The following ADGRB2 variants were observed in gnomAD, a reference collection of about 807,000 sequenced individuals.
ADGRB2 encodes adhesion G protein-coupled receptor B2.
Under a neutral mutation model 178.7 loss-of-function variants are expected in ADGRB2, and 47 were observed. That is an observed-to-expected ratio of 0.26 (90% CI 0.21 to 0.34). ADGRB2 has a LOEUF of 0.34. ADGRB2 is among the 10% of genes least tolerant of loss of function. ADGRB2 has a pLI of 1.00. For missense variants in ADGRB2, 1,584 were observed against 2,180.8 expected, an observed-to-expected ratio of 0.73 and a Z score of 5.45; for synonymous variants, 870 against 912.4, an observed-to-expected ratio of 0.95 and a Z score of 0.84.
In ADGRB2 at chr1:31,732,627, C is replaced by T. The variant is rs372731119; in HGVS notation, c.3625-15G>A. On this transcript the variant is annotated splice_polypyrimidine_tract_variant and intron_variant, in intron 26 of 32. Coordinates refer to ENST00000373658, the MANE Select transcript of ADGRB2 (RefSeq NM_001364857.2). ...ACATCCTGGACCTGGGGACAGAGGG[C>T]GCCTGCTGGGCCTGAGGCCACTGCA... The T allele has an allele frequency of 1.3e-5, 21 of 1,612,768 alleles. 1 individual carries two copies. Among genetic ancestry groups the T allele is most frequent in the South Asian group, 7.7e-5 (7 of 90,934 alleles).
rs371735861 is a variant in ADGRB2 at position 31,730,994 on chromosome 1, G to A, written c.4186C>T (p.Pro1396Ser). Reference protein sequence around the residue: ...AKTVAHTEGYPSFLSVDHSGL... With the variant: ...AKTVAHTEGYSSFLSVDHSGL... ...GAGTGGTCCACGGACAGGAAGCTGG[G>A]GTAGCCTTCAGTGTGGGCCACTGTC... The change falls in exon 29 of 33, where the codon CCC becomes TCC. Residue 1396 changes from proline (P) to serine (S), a missense_variant. By Grantham distance (74) the Pro-to-Ser change is moderately conservative (BLOSUM62 -1). This residue lies in a region of ADGRB2 where 865 missense variants were observed against 1,192.8 expected (regional missense o/e 0.73). Coordinates refer to ENST00000373658, the MANE Select transcript of ADGRB2 (RefSeq NM_001364857.2). 1 of 1,568,844 alleles carries A rather than the reference G, an allele frequency of 6.4e-7. No individual in the cohort carries two copies. Among genetic ancestry groups the A allele is most frequent in the African/African-American group, 1.4e-5 (1 of 73,836 alleles).
rs978152109 is a variant in ADGRB2, at chr1:31,740,892, C to T, written c.1795-351G>A. 1.3e-4 allele frequency among the ~76,000 whole-genome samples: 11 copies of T among 85,726 alleles called. No individual in the cohort carries two copies. The highest frequency in any genetic ancestry group is 2.3e-4 in the Non-Finnish European group (9 of 38,426). 56.2% of individuals were successfully genotyped at this position (85,726 alleles called of 152,430 possible). ...TGTAATGAGCATGTGTGTGGGCGCG[C>T]GCGCACACACACACACACACACACA... On this transcript the variant is annotated intron_variant, in intron 11 of 32. Coordinates refer to ENST00000373658, the MANE Select transcript of ADGRB2 (RefSeq NM_001364857.2). The surrounding 1 kb of genome is among the most constrained non-coding windows in gnomAD (Gnocchi z 5.9).
Position 31,756,290 on chromosome 1 carries a change from C to G in ADGRB2, c.547G>C (p.Val183Leu). The stretch of plus-strand genomic sequence containing the variant: ...TTGTTGTTGATGAGCAAGACCTCGA[C>G]AAAGCGGAAGGCTAGGGCAGCGGGC... ...LAPAALAFRF[V>L]EVLLINNNNS... The change falls in exon 4 of 33, where the codon GTC (valine) becomes CTC (leucine). Residue 183 changes from valine (V) to leucine (L), a missense_variant. Physicochemically the swap from Val to Leu is conservative, Grantham distance 32. Around this residue, in one of 3 missense-constraint regions of ADGRB2, gnomAD observed 657 missense variants for 847.6 expected, o/e 0.78. Coordinates refer to ENST00000373658, the MANE Select transcript of ADGRB2 (RefSeq NM_001364857.2). This position sits in a 1 kb window ranked among gnomAD's most constrained non-coding sequence, Gnocchi z 8.5. The G allele has an allele frequency of 6.2e-7, 1 of 1,613,118 alleles. No homozygotes were observed. Among genetic ancestry groups the G allele is most frequent in the Non-Finnish European group, 8.5e-7 (1 of 1,179,972 alleles).
rs907475253 is a variant in ADGRB2, at chr1:31,728,750, A to T, written c.4381-117T>A. The T allele has an allele frequency of 2.4e-6, 3 of 1,243,830 alleles. No homozygotes were observed. Among genetic ancestry groups the T allele is most frequent in the South Asian group, 2.4e-5 (2 of 81,790 alleles). The allele number at this position is 1,243,830 out of a possible 1,614,324, so 77.0% of individuals were successfully genotyped here. ...GTCTGCCCGCTGCACCTTCCCCCCA[A>T]CCCAGGCCCAGAAGTTGCGGACCTT... On this transcript the variant is annotated intron_variant, in intron 29 of 32. Transcript: ENST00000373658. The surrounding 1 kb of genome is among the most constrained non-coding windows in gnomAD (Gnocchi z 6.7).
rs143030726 is a variant in ADGRB2, at chr1:31,739,430, C to A, written c.2373G>T (p.Thr791=). Reference sequence around the variant, plus strand: ...GGGAGTGGCCTGGGCCAGGAGGCACCGTTCCTGGGCCCCTCCCCCTGCCAG... The same window carrying A: ...GGGAGTGGCCTGGGCCAGGAGGCACAGTTCCTGGGCCCCTCCCCCTGCCAG... ...GSPGRGRGPG[T]VPPGPGHSHQ... Residue 791 remains threonine, a synonymous_variant, in exon 15 of 33, where the codon ACG becomes ACT. Transcript: ENST00000373658. 1.9e-6 allele frequency: 3 copies of A among 1,581,356 alleles called. No individual in the cohort carries two copies. In the African/African-American group the frequency reaches 4.0e-5, roughly 21 times the overall value.
Position 31,757,402 on chromosome 1 carries a change from G to C in ADGRB2, c.-81C>G. ...CTCACTTGCTTTACTGAGAGGGAGA[G>C]AAAGGGGCGGAGTTACAGCCAGTGT... On this transcript the variant is annotated 5_prime_UTR_variant, in exon 2 of 33. Transcript: ENST00000373658. 1.2e-6 allele frequency: 1 copy of C among 802,490 alleles called. No individual in the cohort carries two copies. Among genetic ancestry groups the C allele is most frequent in the Non-Finnish European group, 2.0e-6 (1 of 488,930 alleles). The allele number at this position is 802,490 out of a possible 1,614,324, so 49.7% of individuals were successfully genotyped here.
intron 4 of ADGRB2, among the ~76,000 whole-genome samples, chr1:31,751,107 GC>G (rs1646546769): frequency 2.6e-5 from 4 of 152,108 alleles, no homozygotes; most frequent in African/African-American, 7.2e-5. Context: ...CAAAGCCCTG[GC>G]CCCGTCTCCC....
Position 31,756,782 on chromosome 1 carries a change from G to C in ADGRB2, c.55C>G (p.Leu19Val). 1 of 1,508,562 alleles carries C rather than the reference G, an allele frequency of 6.6e-7. No individual in the cohort carries two copies. The highest frequency in any genetic ancestry group is 8.9e-7 in the Non-Finnish European group (1 of 1,125,466). The allele number at this position is 1,508,562 out of a possible 1,614,324, so 93.4% of individuals were successfully genotyped here. A position where few individuals can be genotyped will look rare whatever the true frequency, so the allele number is the denominator to read the frequency against. ...KGHRMTPACP[L>V]LLSVILSLRL... ...AGGGACAGAATCACAGACAGTAAGA[G>C]GGGACAGGCTGGGGTCATCCTATGT... The change falls in exon 4 of 33, where the codon CTC (leucine) becomes GTC (valine). Residue 19 changes from leucine to valine, a missense_variant. Around this residue, in one of 3 missense-constraint regions of ADGRB2, gnomAD observed 657 missense variants for 847.6 expected, o/e 0.78. Transcript: ENST00000373658. The surrounding 1 kb of genome is among the most constrained non-coding windows in gnomAD (Gnocchi z 8.5).
intron 29 of ADGRB2, among the ~76,000 whole-genome samples, chr1:31,729,723 T>C (rs547417905): frequency 2.0e-5 from 3 of 152,316 alleles, no homozygotes; most frequent in South Asian, 4.1e-4. Context: ...GCTGCTGCAT[T>C]TACTACTGCC....
In ADGRB2 at chr1:31,733,703, C is replaced by G. The variant is rs552086375; in HGVS notation, c.3453-560G>C. Among the ~76,000 whole-genome samples, 13 of 152,124 alleles carry G rather than the reference C, an allele frequency of 8.5e-5. No homozygotes were observed. Among genetic ancestry groups the G allele is most frequent in the Non-Finnish European group, 1.8e-4 (12 of 68,024 alleles). On this transcript the variant is annotated intron_variant, in intron 25 of 32. Coordinates refer to ENST00000373658, the MANE Select transcript of ADGRB2 (RefSeq NM_001364857.2). The surrounding 1 kb of genome is among the most constrained non-coding windows in gnomAD (Gnocchi z 4.3). ...AGGACCAGTGAAGCAGAACTCCCCCCACACACAGAGAAGACGCCAGGCTCC... is the reference window on the plus strand; with the variant it reads ...AGGACCAGTGAAGCAGAACTCCCCCGACACACAGAGAAGACGCCAGGCTCC...
intron 29 of ADGRB2, among the ~76,000 whole-genome samples, chr1:31,729,937 G>C (rs1645191357): frequency 6.6e-6 from 1 of 152,260 alleles, no homozygotes; most frequent in African/African-American, 2.4e-5. Flanking sequence ...AACTAAACTT[G>C]TGAGCCCCGT....
intron 27 of ADGRB2, 105 bp downstream of exon 27, chr1:31,732,412 G>A: frequency 7.2e-7 from 1 of 1,386,360 alleles, no homozygotes; most frequent in Non-Finnish European, 1.0e-6. Context: ...CCCAATCCCT[G>A]TCCCAACCCT....
intron 4 of ADGRB2, among the ~76,000 whole-genome samples, chr1:31,747,015 C>T (rs954479813): frequency 6.6e-6 from 1 of 152,224 alleles, no homozygotes; most frequent in Non-Finnish European, 1.5e-5. Flanking sequence ...TAATCCACTG[C>T]AGTCTGGCTT....
In ADGRB2 at chr1:31,756,151, G is replaced by A. The variant is rs751606384; in HGVS notation, c.686C>T (p.Ala229Val). The change falls in exon 4 of 33, where the codon GCG (alanine) becomes GTG (valine). Residue 229 changes from alanine to valine, a missense_variant. Physicochemically the swap from Ala to Val is moderately conservative, Grantham distance 64 (BLOSUM62 0). This residue lies in a region of ADGRB2 where 657 missense variants were observed against 847.6 expected (regional missense o/e 0.78). Transcript: ENST00000373658. This position sits in a 1 kb window ranked among gnomAD's most constrained non-coding sequence, Gnocchi z 8.5. ...AQPGCSCPGEAGAGSTTTTSP... is the reference protein window; with the variant it reads ...AQPGCSCPGEVGAGSTTTTSP... ...TGTGGTGGTGGTGGAGCCGGCCCCC[G>A]CCTCTCCAGGGCAGCTGCAGCCTGG... is the stretch of plus-strand genomic sequence containing the variant. 6.0e-5 allele frequency: 96 copies of A among 1,613,326 alleles called. No individual in the cohort carries two copies. Among genetic ancestry groups the A allele is most frequent in the Admixed American group, 8.3e-5 (5 of 59,988 alleles).
Position 31,744,838 on chromosome 1 carries a change from C to T in ADGRB2, c.839-107G>A. On this transcript the variant is annotated intron_variant, in intron 4 of 32. Coordinates refer to ENST00000373658, the MANE Select transcript of ADGRB2 (RefSeq NM_001364857.2). The surrounding 1 kb of genome is among the most constrained non-coding windows in gnomAD (Gnocchi z 6.7). Reference sequence around the variant, plus strand: ...TGCCCTCCGCCTGAGGGCCTGGAACCAACTGCATGATGCTCTCTCAGGATC... The same window carrying T: ...TGCCCTCCGCCTGAGGGCCTGGAACTAACTGCATGATGCTCTCTCAGGATC... The T allele has an allele frequency of 9.8e-7, 1 of 1,022,348 alleles. No homozygotes were observed. The highest frequency in any genetic ancestry group is 1.5e-6 in the Non-Finnish European group (1 of 658,874). 63.3% of individuals were successfully genotyped at this position (1,022,348 alleles called of 1,614,324 possible).
Position 31,735,167 on chromosome 1 carries a change from A to AG in ADGRB2, c.3452+15dup. On this transcript the variant is annotated intron_variant, in intron 25 of 32. Coordinates refer to ENST00000373658, the MANE Select transcript of ADGRB2 (RefSeq NM_001364857.2). This position sits in a 1 kb window ranked among gnomAD's most constrained non-coding sequence, Gnocchi z 6.0. ...GCCCCACCCACCCCCACCGCCCCCC[A>AG]GGGGGCACGACTAACATGGCGTTCC... 1.6e-6 allele frequency: 1 copy of AG among 635,172 alleles called. No homozygotes were observed. Among genetic ancestry groups the AG allele is most frequent in the Non-Finnish European group, 1.9e-6 (1 of 514,676 alleles). The allele number at this position is 635,172 out of a possible 1,614,324, so 39.3% of individuals were successfully genotyped here. A position where few individuals can be genotyped will look rare whatever the true frequency, so the allele number is the denominator to read the frequency against.
Position 31,742,116 on chromosome 1 carries a change from C to G in ADGRB2, c.1354G>C (p.Ala452Pro), listed in dbSNP as rs756581958. 1.1e-5 allele frequency: 18 copies of G among 1,613,138 alleles called. No individual in the cohort carries two copies. In the South Asian group the frequency reaches 1.9e-4, roughly 17 times the overall value. The change falls in exon 8 of 33, where the codon GCC becomes CCC. Residue 452 changes from alanine to proline, a missense_variant. By Grantham distance (27) the Ala-to-Pro change is conservative. This residue lies in a region of ADGRB2 where 657 missense variants were observed against 847.6 expected (regional missense o/e 0.78). Transcript: ENST00000373658. ...RSRKCSVAGPAWATCTGALTD... is the reference protein window; with the variant it reads ...RSRKCSVAGPPWATCTGALTD... ...AGGGCACCCGTGCATGTGGCCCAGG[C>G]TGGGCCCGCCACGCTGCACTTCCGG...
At position 31,741,899 on chromosome 1, in the gene ADGRB2, G is replaced by C; in HGVS notation, c.1486C>G (p.Gln496Glu). ...LCSKTCDTGW[Q>E]RRFRMCQATG... Reference sequence around the variant, plus strand: ...GCCTGGCACATGCGGAAGCGGCGCTGCCAGCCTGTGTCACACGTCTTAGAG... The same window carrying C: ...GCCTGGCACATGCGGAAGCGGCGCTCCCAGCCTGTGTCACACGTCTTAGAG... Residue 496 changes from glutamine to glutamate, a missense_variant, in exon 9 of 33, where the codon CAG becomes GAG. Physicochemically the swap from Gln to Glu is conservative, Grantham distance 29 (BLOSUM62 2). This residue lies in a region of ADGRB2 where 657 missense variants were observed against 847.6 expected (regional missense o/e 0.78). Transcript: ENST00000373658. This position sits in a 1 kb window ranked among gnomAD's most constrained non-coding sequence, Gnocchi z 6.5. The C allele has an allele frequency of 1.2e-6, 2 of 1,611,492 alleles. No individual in the cohort carries two copies. Among genetic ancestry groups the C allele is most frequent in the Non-Finnish European group, 1.7e-6 (2 of 1,178,210 alleles).
In ADGRB2 at chr1:31,738,538, G is replaced by C. The variant is rs768448170; in HGVS notation, c.2645+49C>G. On this transcript the variant is annotated intron_variant, in intron 17 of 32. Transcript: ENST00000373658. ...AGGCAGGAGACCCCTTTCTGGCAAA[G>C]GGCCCTAGGGCTGCTCCCTTCCTCA... 6.3e-6 allele frequency: 10 copies of C among 1,575,514 alleles called. No individual in the cohort carries two copies. In the Admixed American group the frequency reaches 9.2e-5, roughly 15 times the overall value.
Sources: gnomAD v4.1 joint callset for allele counts (sites outside exome capture counted in the v4.1 genomes callset) on GRCh38, gnomAD v4.1.1 for gene constraint, gnomAD v4.1.1 regional missense constraint, Gnocchi (gnomAD v3.1) non-coding constraint, MANE v1.5 for transcripts, NCBI Gene and HGNC (gene_info 2026-07-23, HGNC 2026-07-21) for gene names.